Variants in PHTF2 observed in about 807,000 individuals in gnomAD.
The protein encoded by PHTF2 is protein PHTF2.
Under a neutral mutation model 101.2 loss-of-function variants are expected in PHTF2, and 60 were observed. That is an observed-to-expected ratio of 0.59 (90% CI 0.48 to 0.73). The LOEUF (loss-of-function observed/expected upper bound fraction) is 0.73. Among genes scored for constraint, PHTF2 ranks in the 30% least tolerant of loss-of-function variants. The pLI, the probability that PHTF2 is intolerant of heterozygous loss-of-function variation, is 0.00. For missense variants in PHTF2, 747 were observed against 908.7 expected (o/e 0.82, Z 2.29); for synonymous variants, 311 against 307.3 (o/e 1.01, Z -0.13).
intron 3 of PHTF2, among the ~76,000 whole-genome samples, chr7:77,880,824 A>G (rs554715801): frequency 6.6e-6 from 1 of 152,312 alleles, no homozygotes; most frequent in South Asian, 2.1e-4. Flanking sequence ...GCAAGTGCAT[A>G]TTATCATGCC....
chr7:77,828,790 C>T (rs887142927), intron 1 of PHTF2, among the ~76,000 whole-genome samples: 20 of 152,060 alleles, frequency 1.3e-4, no homozygotes, highest in Admixed American at 2.6e-4. Flanking sequence ...ATTGCTTGAA[C>T]CCAGGAGGCG....
At chr7:77,930,475 T>TC (rs111993570) in intron 12 of PHTF2, among the ~76,000 whole-genome samples, 121,049 of 151,966 alleles carry the variant, frequency 0.8, 48,577 homozygotes, top group African/African-American at 0.88. Context: ...CATTTAAAAT[T>TC]CCCCTCTTCT....
At chr7:77,806,963 C>A (rs921351416) in intron 1 of PHTF2, among the ~76,000 whole-genome samples, 2 of 152,154 alleles carry the variant, frequency 1.3e-5, no homozygotes, top group African/African-American at 4.8e-5. Flanking sequence ...TTATAAATCC[C>A]AAACAATATT....
exon 20 of PHTF2, chr7:77,956,397 T>G (rs887171382): frequency 3.9e-5 from 6 of 152,594 alleles, no homozygotes; most frequent in African/African-American, 1.2e-4. Context: ...CCATTCCTTT[T>G]GATCAGCCTC....
chr7:77,902,316 T>C (rs532301759), intron 7 of PHTF2, among the ~76,000 whole-genome samples: 1 of 152,360 alleles, frequency 6.6e-6, no homozygotes, highest in Admixed American at 6.5e-5. Context: ...GCTGTCCTTA[T>C]ACTTTATCAA....
intron 16 of PHTF2, among the ~76,000 whole-genome samples, chr7:77,943,262 A>G (rs187591451): frequency 1.3e-5 from 2 of 152,250 alleles, no homozygotes; most frequent in African/African-American, 4.8e-5. Flanking sequence ...CTGGGACTAC[A>G]GGTGCCCACC....
At chr7:77,948,216 A>G (rs1562976564) in intron 16 of PHTF2, among the ~76,000 whole-genome samples, 1 of 152,136 alleles carries the variant, frequency 6.6e-6, no homozygotes, top group Non-Finnish European at 1.5e-5. Flanking sequence ...AAATTACAGA[A>G]AGACTTTATG....
At chr7:77,827,850 G>A (rs1163681829) in intron 1 of PHTF2, among the ~76,000 whole-genome samples, 1 of 151,250 alleles carries the variant, frequency 6.6e-6, no homozygotes, top group Non-Finnish European at 1.5e-5. Flanking sequence ...CACCATGTTG[G>A]TCAGGCTGAT....
rs199549765 is a variant in PHTF2, at chr7:77,804,011, TAAGTGTATA to T, written c.-36+5041_-36+5049del. 7.0e-3 allele frequency among the ~76,000 whole-genome samples: 1,060 copies of T among 152,350 alleles called. 5 individuals are homozygous for T. Among genetic ancestry groups the T allele is most frequent in the African/African-American group, 0.024 (989 of 41,566 alleles). ...GAAGTAGGATTTCAGTGCTGTGAAT[TAAGTGTATA>T]GGGAGAGGAACTTGTTTTCTCAAAT... On this transcript the variant is annotated intron_variant, in intron 1 of 19. Transcript: ENST00000416283.
At chr7:77,852,855 A>C (rs773385682) in intron 2 of PHTF2, among the ~76,000 whole-genome samples, 2 of 152,204 alleles carry the variant, frequency 1.3e-5, no homozygotes, top group Non-Finnish European at 2.9e-5. Context: ...TGGATATACT[A>C]TTAAAGGATA....
chr7:77,924,123 AG>A (rs1371608912), intron 11 of PHTF2: 11 of 957,624 alleles, frequency 1.1e-5, no homozygotes, highest in Non-Finnish European at 1.4e-5. Flanking sequence ...CCAGCTTTAA[AG>A]GGCGTTTCTA....
chr7:77,940,433 C>A, intron 14 of PHTF2, 95 bp from the exon 14 acceptor site: 3 of 1,300,794 alleles, frequency 2.3e-6, no homozygotes, highest in Non-Finnish European at 3.1e-6. Flanking sequence ...TTTATAGTAC[C>A]TAACCAAATA....
chr7:77,889,090 T>A (rs1165451321), intron 3 of PHTF2, among the ~76,000 whole-genome samples: 1 of 152,220 alleles, frequency 6.6e-6, no homozygotes, highest in Admixed American at 6.5e-5. Flanking sequence ...CAAATTATTC[T>A]TTATCCATGA....
intron 3 of PHTF2, among the ~76,000 whole-genome samples, chr7:77,883,024 CAAAA>C (rs371626440): frequency 6.6e-6 from 1 of 151,086 alleles, no homozygotes; most frequent in African/African-American, 2.4e-5. Context: ...GTTGTAAAAA[CAAAA>C]AAAGAATGGG....
intron 15 of PHTF2, 123 bp from the exon 15 acceptor site, chr7:77,942,577 T>C: frequency 2.0e-6 from 1 of 508,272 alleles, no homozygotes; most frequent in Non-Finnish European, 3.5e-6. Context: ...TATTCAACAT[T>C]GTGGGCTGTG....
At chr7:77,943,301 T>G (rs916097963) in intron 16 of PHTF2, among the ~76,000 whole-genome samples, 1 of 151,822 alleles carries the variant, frequency 6.6e-6, no homozygotes, top group Admixed American at 6.6e-5. Flanking sequence ...ATTTTTTGTA[T>G]TTTTTTTAGT....
At chr7:77,821,384 A>G (rs539265798) in intron 1 of PHTF2, among the ~76,000 whole-genome samples, 33 of 152,292 alleles carry the variant, frequency 2.2e-4, no homozygotes, top group Non-Finnish European at 2.4e-4. Context: ...CTCTCTCCCA[A>G]TATTTGGGAA....
chr7:77,913,568 G>C (rs1411415784), intron 9 of PHTF2, among the ~76,000 whole-genome samples: 1 of 152,024 alleles, frequency 6.6e-6, no homozygotes, highest in Non-Finnish European at 1.5e-5. Context: ...TGGATCCTAA[G>C]TTTTCTTTCA....
chr7:77,841,122 C>T (rs1182551188), intron 2 of PHTF2, among the ~76,000 whole-genome samples: 2 of 123,458 alleles, frequency 1.6e-5, no homozygotes, highest in East Asian at 2.2e-4. Flanking sequence ...CTCTGTCACC[C>T]AGACTGGAGT....
Sources: allele counts gnomAD v4.1 joint callset (sites outside exome capture counted in the v4.1 genomes callset), GRCh38; gene constraint gnomAD v4.1.1; transcripts MANE v1.5; gene names NCBI Gene and HGNC (gene_info 2026-07-23, HGNC 2026-07-21).